The following MGAT5B variants were observed in gnomAD, a reference collection of about 807,000 sequenced individuals.
The protein encoded by MGAT5B is alpha-1,6-mannosylglycoprotein 6-beta-N-acetylglucosaminyltransferase B.
A neutral mutation model predicts 95.1 loss-of-function variants in MGAT5B; 54 were observed. The ratio of observed to expected loss-of-function variants is 0.57; its 90% CI spans 0.46 to 0.71. MGAT5B has a LOEUF of 0.71. Among genes scored for constraint, MGAT5B ranks in the 30% least tolerant of loss-of-function variants. The pLI, the probability that MGAT5B is intolerant of heterozygous loss-of-function variation, is 0.00. For missense variants in MGAT5B, 935 were observed against 1,088.6 expected (o/e 0.86, Z 1.99); for synonymous variants, 464 against 451.0 (o/e 1.03, Z -0.36).
chr17:76,924,846 T>G, intron 8 of MGAT5B, 120 bp from the exon 9 acceptor site: 1 of 1,280,896 alleles, frequency 7.8e-7, no homozygotes, highest in Non-Finnish European at 1.1e-6. Context: ...ACTTCCTTTC[T>G]GAGAGTCTGT....
chr17:76,926,560 G>A, intron 9 of MGAT5B, 37 bp from the exon 10 acceptor site: 4 of 1,582,972 alleles, frequency 2.5e-6, no homozygotes, highest in Non-Finnish European at 3.4e-6. Flanking sequence ...ACACGGGGAG[G>A]TTGCTGACCC....
Position 76,904,433 on chromosome 17 carries a change from G to T in MGAT5B, c.690+11G>T. 6.4e-7 allele frequency: 1 copy of T among 1,551,378 alleles called. No individual in the cohort carries two copies. On this transcript the variant is annotated intron_variant, in intron 6 of 17. Transcript: ENST00000569840. ...CTCCCCAAAGTCCAGGTGGGCCTGG[G>T]AGGTGGGTGGGCCGGTGAGGGGCTG...
Position 76,938,380 on chromosome 17 carries a change from G to C in MGAT5B, c.1584+237G>C, listed in dbSNP as rs546853207. On this transcript the variant is annotated intron_variant, in intron 13 of 17. Coordinates refer to ENST00000569840, the MANE Select transcript of MGAT5B (RefSeq NM_001199172.2). The surrounding 1 kb of genome is among the most constrained non-coding windows in gnomAD (Gnocchi z 4.3). ...GCAGGGCCAGCAGAGCAGCAGAGCC[G>C]TGGCTCAGTGATGGGGAAGTAGAGT... Among the ~76,000 whole-genome samples, 1 of 152,242 alleles carries C rather than the reference G, an allele frequency of 6.6e-6. No homozygotes were observed. Among genetic ancestry groups the C allele is most frequent in the Admixed American group, 6.5e-5 (1 of 15,290 alleles).
At chr17:76,944,387 C>G (rs1969968817) in intron 15 of MGAT5B, 1 of 152,298 alleles carries the variant, frequency 6.6e-6, no homozygotes, top group East Asian at 1.9e-4. Flanking sequence ...GAGGGGAAAG[C>G]TCTTCTCTGG....
chr17:76,920,177 T>G (rs1048676874), intron 8 of MGAT5B, among the ~76,000 whole-genome samples: 7 of 152,220 alleles, frequency 4.6e-5, no homozygotes, highest in African/African-American at 1.4e-4. Flanking sequence ...TGGAGGGGTA[T>G]GCAGCAGATG....
Position 76,874,719 on chromosome 17 carries a change from C to T in MGAT5B, c.181+1756C>T, listed in dbSNP as rs142786323. On this transcript the variant is annotated intron_variant, in intron 2 of 17. Transcript: ENST00000569840. Reference sequence around the variant, plus strand: ...GAGAGTCAAGGTAACTCACCTACCCCATGGCTCTTGCCCCATCTGGGCAGG... The same window carrying T: ...GAGAGTCAAGGTAACTCACCTACCCTATGGCTCTTGCCCCATCTGGGCAGG... Among the ~76,000 whole-genome samples, 30 of 152,202 alleles carry T rather than the reference C, an allele frequency of 2.0e-4. 1 individual carries two copies. The highest frequency in any genetic ancestry group is 1.4e-3 in the East Asian group (7 of 5,164).
chr17:76,948,963 C>CGG lies in MGAT5B; in HGVS notation c.*125_*126insGG. Reference sequence around the variant, plus strand: ...AACCCCCCCAGGCCGGAGCTTCCTTCCTTAGCCGGGAAGCTGGCAGAGGAG... The same window carrying CGG: ...AACCCCCCCAGGCCGGAGCTTCCTTCGGCTTAGCCGGGAAGCTGGCAGAGGAG... On this transcript the variant is annotated 3_prime_UTR_variant, in exon 18 of 18. Coordinates refer to ENST00000569840, the MANE Select transcript of MGAT5B (RefSeq NM_001199172.2). 1 of 1,129,620 alleles carries CGG rather than the reference C, an allele frequency of 8.9e-7. No individual in the cohort carries two copies. Among genetic ancestry groups the CGG allele is most frequent in the Non-Finnish European group, 1.2e-6 (1 of 814,748 alleles). The allele number at this position is 1,129,620 out of a possible 1,614,324, so 70.0% of individuals were successfully genotyped here.
intron 3 of MGAT5B, among the ~76,000 whole-genome samples, chr17:76,897,830 TG>T (rs1407071855): frequency 6.8e-6 from 1 of 148,118 alleles, no homozygotes; most frequent in Non-Finnish European, 1.5e-5. Context: ...CCGAGGTGGG[TG>T]GATCACGTGA....
intron 8 of MGAT5B, among the ~76,000 whole-genome samples, chr17:76,919,079 T>C (rs1969039516): frequency 6.6e-6 from 1 of 152,218 alleles, no homozygotes; most frequent in African/African-American, 2.4e-5. Flanking sequence ...TGGTGGCTCG[T>C]GGAAGGCTAC....
rs180679600 is a variant in MGAT5B, at chr17:76,938,443, C to G, written c.1584+300C>G. On this transcript the variant is annotated intron_variant, in intron 13 of 17. Coordinates refer to ENST00000569840, the MANE Select transcript of MGAT5B (RefSeq NM_001199172.2). This position sits in a 1 kb window ranked among gnomAD's most constrained non-coding sequence, Gnocchi z 4.3. ...CCTCCCCCTTGCAGTACCAGTCCAG[C>G]CAAATGGACTCCTGGGTCAGGCCTA... 6.6e-6 allele frequency among the ~76,000 whole-genome samples: 1 copy of G among 152,344 alleles called. No individual in the cohort carries two copies.
intron 3 of MGAT5B, 90 bp from the exon 4 acceptor site, chr17:76,902,465 C>A (rs969638432): frequency 2.2e-6 from 2 of 903,294 alleles, no homozygotes; most frequent in Non-Finnish European, 3.5e-6. Context: ...CAGAGCCTGC[C>A]GCCTTTGCCT....
In MGAT5B at chr17:76,916,475, G is replaced by A. The variant is rs1484652687; in HGVS notation, c.1026-8491G>A. ...GAGAGATCCATGCACCCCAGGTGGA[G>A]TGGGGAGAACTTGGGGAGATCAGAT... On this transcript the variant is annotated intron_variant, in intron 8 of 17. Transcript: ENST00000569840. The surrounding 1 kb of genome is among the most constrained non-coding windows in gnomAD (Gnocchi z 5.3). Among the ~76,000 whole-genome samples the A allele has an allele frequency of 6.6e-6, 1 of 152,216 alleles. No individual in the cohort carries two copies. Among genetic ancestry groups the A allele is most frequent in the Non-Finnish European group, 1.5e-5 (1 of 68,034 alleles).
At chr17:76,911,993 G>A (rs1201035503) in intron 8 of MGAT5B, among the ~76,000 whole-genome samples, 1 of 152,174 alleles carries the variant, frequency 6.6e-6, no homozygotes, top group Non-Finnish European at 1.5e-5. Flanking sequence ...GTTTCCTAGT[G>A]AGGAACTTGG....
rs566897980 is a variant in MGAT5B, at chr17:76,905,532, T to C, written c.855+199T>C. Among the ~76,000 whole-genome samples the C allele has an allele frequency of 1.3e-5, 2 of 152,276 alleles. No individual in the cohort carries two copies. The highest frequency in any genetic ancestry group is 3.9e-4 in the East Asian group (2 of 5,170). On this transcript the variant is annotated intron_variant, in intron 7 of 17. Transcript: ENST00000569840. The surrounding 1 kb of genome is among the most constrained non-coding windows in gnomAD (Gnocchi z 4.2). ...GGCCCTTTTCAAGGTTGGGACCAAA[T>C]GACAAGCCCCCAAGAGGTCCTGCAT...
At chr17:76,871,313 A>G (rs1967001132) in intron 1 of MGAT5B, among the ~76,000 whole-genome samples, 1 of 152,096 alleles carries the variant, frequency 6.6e-6, no homozygotes, top group East Asian at 1.9e-4. Flanking sequence ...CCCCACCCCC[A>G]GGCTTGGTGG....
chr17:76,923,106 G>GGAC (rs1969170752), intron 8 of MGAT5B, among the ~76,000 whole-genome samples: 1 of 152,192 alleles, frequency 6.6e-6, no homozygotes, highest in South Asian at 2.1e-4. Flanking sequence ...GCACCACTTT[G>GGAC]GACGGTGTGC....
At position 76,905,236 on chromosome 17, in the gene MGAT5B, TC is replaced by T; in HGVS notation, c.759del (p.Phe253LeufsTer2). Reference protein sequence around the residue: ...LMGSGKESLIFMKKRTKRLTA... With the variant: ...LMGSGKESLIXMKKRTKRLTA... ...GGCAGCGGGAAGGAGTCCCTGATCT[TC>T]ATGAAGAAGCGGACCAAGAGGCTCA... On this transcript the variant is annotated frameshift_variant, in exon 7 of 18. Coordinates refer to ENST00000569840, the MANE Select transcript of MGAT5B (RefSeq NM_001199172.2). LOFTEE classifies it high-confidence loss of function. This position sits in a 1 kb window ranked among gnomAD's most constrained non-coding sequence, Gnocchi z 4.2. 6.2e-7 allele frequency: 1 copy of T among 1,613,576 alleles called. No homozygotes were observed. Among genetic ancestry groups the T allele is most frequent in the South Asian group, 1.1e-5 (1 of 91,054 alleles).
chr17:76,896,902 G>C (rs1476732555), intron 3 of MGAT5B, among the ~76,000 whole-genome samples: 1 of 152,100 alleles, frequency 6.6e-6, no homozygotes, highest in African/African-American at 2.4e-5. Context: ...GAGCATCCAG[G>C]AGAACCTAGA....
At position 76,868,943 on chromosome 17, in the gene MGAT5B, G is replaced by T. The variant is rs1966892536; in HGVS notation, c.-87G>T. ...TCGGACGCGGCTTCGGCCCGCAGAG[G>T]GTTCGTGGCCCGGACGCGGCGAGAG... On this transcript the variant is annotated 5_prime_UTR_variant, in exon 1 of 18. Coordinates refer to ENST00000569840, the MANE Select transcript of MGAT5B (RefSeq NM_001199172.2). This position sits in a 1 kb window ranked among gnomAD's most constrained non-coding sequence, Gnocchi z 6.3. The T allele has an allele frequency of 7.4e-7, 1 of 1,359,598 alleles. No homozygotes were observed. Among genetic ancestry groups the T allele is most frequent in the Non-Finnish European group, 1.0e-6 (1 of 961,006 alleles). The allele number at this position is 1,359,598 out of a possible 1,614,324, so 84.2% of individuals were successfully genotyped here. A position where few individuals can be genotyped will look rare whatever the true frequency, so the allele number is the denominator to read the frequency against.
Sources: gnomAD v4.1 joint callset for allele counts (sites outside exome capture counted in the v4.1 genomes callset) on GRCh38, gnomAD v4.1.1 for gene constraint, Gnocchi (gnomAD v3.1) non-coding constraint, MANE v1.5 for transcripts, NCBI Gene and HGNC (gene_info 2026-07-23, HGNC 2026-07-21) for gene names.